The following GPC5 variants were observed in gnomAD, a reference collection of about 807,000 sequenced individuals.
GPC5 encodes the protein glypican-5.
GPC5 carries 47 observed loss-of-function variants against 53.9 expected under a neutral mutation model. The ratio of observed to expected loss-of-function variants is 0.87; its 90% CI spans 0.69 to 1.11. GPC5 has a LOEUF of 1.11. Among genes scored for constraint, GPC5 ranks in the 50% most tolerant of loss-of-function variants. The probability of loss-of-function intolerance (pLI) is 0.00; values close to 1 mark genes in which losing one functional copy is unlikely to be tolerated. For synonymous variants in GPC5, 286 were observed against 263.3 expected (o/e 1.09, Z -0.84); for missense variants, 748 against 713.1 (o/e 1.05, Z -0.56).
chr13:92,521,718 C>A (rs1881056550), intron 7 of GPC5, among the ~76,000 whole-genome samples: 1 of 152,098 alleles, frequency 6.6e-6, no homozygotes, highest in African/African-American at 2.4e-5. Context: ...TAGGCATGGG[C>A]AAGGACTTCA....
At chr13:92,198,008 C>T (rs2042269615) in intron 7 of GPC5, among the ~76,000 whole-genome samples, 1 of 152,166 alleles carries the variant, frequency 6.6e-6, no homozygotes, top group Non-Finnish European at 1.5e-5. Flanking sequence ...TTGTTATTTT[C>T]CTATTCCTGG....
chr13:91,412,207 T>C (rs1203240700), intron 1 of GPC5, among the ~76,000 whole-genome samples: 1 of 152,252 alleles, frequency 6.6e-6, no homozygotes. Flanking sequence ...ATTCTCTGCC[T>C]ATCACCATTG....
chr13:92,198,311 G>T (rs896913182), intron 7 of GPC5, among the ~76,000 whole-genome samples: 3 of 152,126 alleles, frequency 2.0e-5, no homozygotes, highest in Non-Finnish European at 4.4e-5. Flanking sequence ...CTTTAACCTA[G>T]GATGGAGCCT....
At chr13:92,159,769 AT>A (rs1354807051) in intron 7 of GPC5, among the ~76,000 whole-genome samples, 2 of 150,410 alleles carry the variant, frequency 1.3e-5, no homozygotes, top group African/African-American at 4.9e-5. Context: ...CGCCCTGCTA[AT>A]TTTTTGTATT....
At chr13:92,408,500 G>T in intron 7 of GPC5, among the ~76,000 whole-genome samples, 1 of 151,926 alleles carries the variant, frequency 6.6e-6, no homozygotes, top group Non-Finnish European at 1.5e-5. Context: ...TAAGTCATCT[G>T]TAACTAAGTC....
At chr13:92,188,824 A>T (rs1201978645) in intron 7 of GPC5, among the ~76,000 whole-genome samples, 1 of 152,226 alleles carries the variant, frequency 6.6e-6, no homozygotes, top group African/African-American at 2.4e-5. Flanking sequence ...AGAAATTTGC[A>T]CATCACCATG....
intron 7 of GPC5, among the ~76,000 whole-genome samples, chr13:92,676,786 T>C (rs562463515): frequency 1.4e-4 from 22 of 152,254 alleles, no homozygotes; most frequent in African/African-American, 5.3e-4. Context: ...TATCTTTTAA[T>C]TAAGAGTACC....
intron 5 of GPC5, among the ~76,000 whole-genome samples, chr13:91,832,368 A>C (rs1051717094): frequency 8.4e-6 from 1 of 118,732 alleles, no homozygotes; most frequent in Non-Finnish European, 1.7e-5. Context: ...TTTTGAGCCT[A>C]TGTGTGTTTT....
At position 92,162,607 on chromosome 13, in the gene GPC5, A is replaced by G. The variant is rs1455217931; in HGVS notation, c.1561+17618A>G. ...AAACGTGAAGCAGAAACAGAAACCT[A>G]AGAATTAGAGAATGCTGGGGATTCT... On this transcript the variant is annotated intron_variant, in intron 7 of 7. Transcript: ENST00000377067. Among the ~76,000 whole-genome samples, 3 of 152,194 alleles carry G rather than the reference A, an allele frequency of 2.0e-5. No homozygotes were observed. The East Asian group carries it at 5.8e-4, about 29-fold the overall frequency.
intron 5 of GPC5, among the ~76,000 whole-genome samples, chr13:91,783,145 T>C (rs1253492401): frequency 6.6e-6 from 1 of 151,962 alleles, no homozygotes; most frequent in Non-Finnish European, 1.5e-5. Context: ...TCCCAGCTAC[T>C]CAGAAGGCTG....
At chr13:91,706,578 T>C (rs571568910) in intron 3 of GPC5, among the ~76,000 whole-genome samples, 19 of 152,172 alleles carry the variant, frequency 1.2e-4, no homozygotes, top group Non-Finnish European at 2.1e-4. Context: ...TACTTTGACC[T>C]AACACACTGA....
intron 2 of GPC5, among the ~76,000 whole-genome samples, chr13:91,548,184 CA>C (rs902686716): frequency 2.0e-5 from 3 of 152,202 alleles, no homozygotes; most frequent in African/African-American, 7.2e-5. Context: ...TTTTTGTTTG[CA>C]AGTGATATGA....
intron 7 of GPC5, among the ~76,000 whole-genome samples, chr13:92,244,385 A>G (rs543999984): frequency 8.1e-4 from 124 of 152,312 alleles, no homozygotes; most frequent in African/African-American, 2.9e-3. Flanking sequence ...ACGAAACCTC[A>G]TATGTATTAC....
At chr13:91,572,391 G>T (rs1450586122) in intron 2 of GPC5, among the ~76,000 whole-genome samples, 4 of 151,856 alleles carry the variant, frequency 2.6e-5, no homozygotes, top group East Asian at 3.9e-4. Context: ...TCTGAGACAG[G>T]GTGATCTATA....
At chr13:92,821,146 C>T (rs546742785) in intron 7 of GPC5, among the ~76,000 whole-genome samples, 1 of 152,216 alleles carries the variant, frequency 6.6e-6, no homozygotes, top group East Asian at 1.9e-4. Context: ...GGAGTCACTG[C>T]CTTTGAACTA....
At chr13:91,907,133 A>G (rs1180841638) in intron 5 of GPC5, among the ~76,000 whole-genome samples, 2 of 149,362 alleles carry the variant, frequency 1.3e-5, no homozygotes, top group East Asian at 1.9e-4. Flanking sequence ...GAATATTATT[A>G]CACATTAATA....
intron 7 of GPC5, among the ~76,000 whole-genome samples, chr13:92,234,678 A>G (rs2042557574): frequency 6.6e-6 from 1 of 152,058 alleles, no homozygotes; most frequent in Non-Finnish European, 1.5e-5. Flanking sequence ...TATTAATTGT[A>G]TGGATCCATT....
At chr13:92,618,778 A>G (rs949178006) in intron 7 of GPC5, among the ~76,000 whole-genome samples, 2 of 151,702 alleles carry the variant, frequency 1.3e-5, no homozygotes, top group African/African-American at 4.8e-5. Context: ...ATAGACATAG[A>G]GTGTCATGTG....
intron 6 of GPC5, among the ~76,000 whole-genome samples, chr13:92,031,864 T>G (rs186279215): frequency 3.1e-5 from 1 of 31,838 alleles, no homozygotes; most frequent in Non-Finnish European, 6.6e-5. Context: ...ATAATATATA[T>G]ATTATATATA....
Sources: gnomAD v4.1 joint callset for allele counts (sites outside exome capture counted in the v4.1 genomes callset) on GRCh38, gnomAD v4.1.1 for gene constraint, MANE v1.5 for transcripts, NCBI Gene and HGNC (gene_info 2026-07-23, HGNC 2026-07-21) for gene names.